ABCD2: variants seen among roughly 807,000 people sequenced by gnomAD.
ABCD2 encodes the protein ATP-binding cassette sub-family D member 2.
ABCD2 carries 36 observed loss-of-function variants against 70.9 expected under a neutral mutation model. The observed-to-expected ratio is 0.51, with a 90% CI of 0.39 to 0.67. ABCD2 has a LOEUF of 0.67. Ranked by LOEUF, ABCD2 falls within the 30% of genes least tolerant of loss-of-function variation. The probability of loss-of-function intolerance (pLI) is 0.00; values close to 1 mark genes in which losing one functional copy is unlikely to be tolerated. For missense variants in ABCD2, 729 were observed against 890.2 expected (o/e 0.82, Z 2.30); for synonymous variants, 304 against 306.9 (o/e 0.99, Z 0.10).
chr12:39,559,064 T>C (rs767738104), intron 9 of ABCD2, among the ~76,000 whole-genome samples: 72 of 152,096 alleles, frequency 4.7e-4, no homozygotes, highest in Admixed American at 8.5e-4. Context: ...ATGGGACTTA[T>C]GGAATAGCAT....
In ABCD2 at chr12:39,553,908, C is replaced by T; in HGVS notation, c.*4G>A. ...AATTAACTTTTAAAATATGTCAAAA[C>T]AAATTAAGATGTCTCATCTTCATTT... On this transcript the variant is annotated 3_prime_UTR_variant, in exon 10 of 10. Coordinates refer to ENST00000308666, the MANE Select transcript of ABCD2 (RefSeq NM_005164.4). 6.3e-7 allele frequency: 1 copy of T among 1,593,262 alleles called. No individual in the cohort carries two copies. Among genetic ancestry groups the T allele is most frequent in the South Asian group, 1.1e-5 (1 of 89,520 alleles).
chr12:39,556,258 TG>T (rs547239020), intron 9 of ABCD2, among the ~76,000 whole-genome samples: 47 of 152,300 alleles, frequency 3.1e-4, no homozygotes, highest in Admixed American at 3.1e-3. Context: ...TTAAAATAGT[TG>T]TTTTTAAAGT....
intron 2 of ABCD2, among the ~76,000 whole-genome samples, chr12:39,615,051 GTGGGATTTA>G (rs141473070): frequency 0.12 from 18,093 of 151,696 alleles, 1,088 homozygotes; most frequent in Middle Eastern, 0.16. Flanking sequence ...TTCAGGATTT[GTGGGATTTA>G]TTTTTAAATA....
At chr12:39,585,295 C>T (rs1450133081) in intron 7 of ABCD2, among the ~76,000 whole-genome samples, 1 of 152,012 alleles carries the variant, frequency 6.6e-6, no homozygotes, top group African/African-American at 2.4e-5. Flanking sequence ...AGGGGATTGC[C>T]TTCCTGATTT....
intron 6 of ABCD2, among the ~76,000 whole-genome samples, chr12:39,593,506 C>T (rs1161487937): frequency 6.6e-6 from 1 of 152,156 alleles, no homozygotes; most frequent in East Asian, 1.9e-4. Context: ...CCAACCTCAG[C>T]CTCCTAAAGT....
At chr12:39,599,351 T>TA (rs1168724200) in intron 6 of ABCD2, among the ~76,000 whole-genome samples, 1 of 152,114 alleles carries the variant, frequency 6.6e-6, no homozygotes, top group East Asian at 1.9e-4. Flanking sequence ...CTAACCTAAA[T>TA]AAAAAAGTAA....
At chr12:39,584,796 T>C (rs1368112343) in intron 7 of ABCD2, among the ~76,000 whole-genome samples, 1 of 152,190 alleles carries the variant, frequency 6.6e-6, no homozygotes, top group African/African-American at 2.4e-5. Context: ...ATTGCTTGTT[T>C]TTGTCAGCTT....
At chr12:39,617,241 G>A in intron 1 of ABCD2, 73 bp from the exon 2 acceptor site, 2 of 967,760 alleles carry the variant, frequency 2.1e-6, no homozygotes, top group Non-Finnish European at 1.4e-6. Flanking sequence ...TTTTTAGTAT[G>A]GCATTATCTA....
intron 6 of ABCD2, among the ~76,000 whole-genome samples, chr12:39,598,159 C>T (rs1351174546): frequency 6.6e-6 from 1 of 152,184 alleles, no homozygotes; most frequent in Non-Finnish European, 1.5e-5. Flanking sequence ...AAAATATACT[C>T]TATTTTTCTC....
chr12:39,594,296 T>G (rs74951403), intron 6 of ABCD2, among the ~76,000 whole-genome samples: 2 of 152,226 alleles, frequency 1.3e-5, no homozygotes, highest in East Asian at 3.9e-4. Flanking sequence ...TCTCACAAAA[T>G]AGGGATACTA....
At chr12:39,564,132 T>C (rs559786538) in intron 9 of ABCD2, among the ~76,000 whole-genome samples, 11 of 152,242 alleles carry the variant, frequency 7.2e-5, no homozygotes, top group African/African-American at 2.2e-4. Flanking sequence ...TAATCCTTTG[T>C]GTATATACCC....
intron 9 of ABCD2, among the ~76,000 whole-genome samples, chr12:39,560,601 GT>G (rs895483399): frequency 6.6e-6 from 1 of 151,966 alleles, no homozygotes; most frequent in East Asian, 1.9e-4. Flanking sequence ...TAAAGGTTGT[GT>G]TTTTTTGCAA....
intron 8 of ABCD2, among the ~76,000 whole-genome samples, chr12:39,578,050 A>C (rs1227463200): frequency 6.6e-6 from 1 of 152,214 alleles, no homozygotes; most frequent in Non-Finnish European, 1.5e-5. Flanking sequence ...ACTTGACATA[A>C]TTTTTAAAGT....
chr12:39,570,725 A>C (rs1941435785), intron 9 of ABCD2, among the ~76,000 whole-genome samples: 1 of 152,190 alleles, frequency 6.6e-6, no homozygotes, highest in Admixed American at 6.5e-5. Flanking sequence ...TCAAGAGCAT[A>C]GGCAACAAAA....
At chr12:39,616,184 A>T (rs896389086) in intron 2 of ABCD2, among the ~76,000 whole-genome samples, 1 of 152,120 alleles carries the variant, frequency 6.6e-6, no homozygotes, top group Non-Finnish European at 1.5e-5. Flanking sequence ...TTAAGGAGGG[A>T]TGTCTTATTT....
downstream of ABCD2, among the ~76,000 whole-genome samples, chr12:39,548,547 C>T (rs747608063): frequency 2.3e-4 from 35 of 152,056 alleles, no homozygotes; most frequent in Middle Eastern, 3.4e-3. Context: ...AAAAAGGTCT[C>T]ATTATATTAG....
At chr12:39,554,627 A>C (rs1376273142) in intron 9 of ABCD2, among the ~76,000 whole-genome samples, 2 of 152,232 alleles carry the variant, frequency 1.3e-5, no homozygotes, top group Non-Finnish European at 2.9e-5. Flanking sequence ...AAACATTTTA[A>C]AAAACAACTC....
Position 39,619,510 on chromosome 12 carries a change from G to C in ABCD2, c.106C>G (p.Leu36Val), listed in dbSNP as rs914521439. The C allele has an allele frequency of 6.2e-7, 1 of 1,612,590 alleles. No individual in the cohort carries two copies. Among genetic ancestry groups the C allele is most frequent in the Non-Finnish European group, 8.5e-7 (1 of 1,180,000 alleles). Reference protein sequence around the residue: ...LVAAAYALKTLYPIIGKRLKQ... With the variant: ...LVAAAYALKTVYPIIGKRLKQ... ...AAACGCTTGCCAATGATGGGATAGAGGGTTTTCAGAGCATATGCCGCAGCC... is the reference window on the plus strand; with the variant it reads ...AAACGCTTGCCAATGATGGGATAGACGGTTTTCAGAGCATATGCCGCAGCC... The change falls in exon 1 of 10, where the codon CTC (leucine) becomes GTC (valine). Residue 36 changes from leucine (L) to valine (V), a missense_variant. This residue lies in a region of ABCD2 where 245 missense variants were observed against 261.2 expected (regional missense o/e 0.94). Transcript: ENST00000308666.
intron 3 of ABCD2, among the ~76,000 whole-genome samples, chr12:39,607,299 A>G (rs1941981650): frequency 6.6e-6 from 1 of 152,206 alleles, no homozygotes; most frequent in African/African-American, 2.4e-5. Context: ...GTAAATTCAT[A>G]AAATGAAAAT....
Sources: allele counts gnomAD v4.1 joint callset (sites outside exome capture counted in the v4.1 genomes callset), GRCh38; gene constraint gnomAD v4.1.1; regional missense constraint gnomAD v4.1.1; transcripts MANE v1.5; gene names NCBI Gene and HGNC (gene_info 2026-07-23, HGNC 2026-07-21).